The following KCNB2 variants were observed in gnomAD, a reference collection of about 807,000 sequenced individuals.
KCNB2 encodes delayed rectifier potassium channel protein.
KCNB2 carries 15 observed loss-of-function variants against 61.5 expected under a neutral mutation model. The observed-to-expected ratio is 0.24, with a 90% CI of 0.16 to 0.38. The LOEUF (loss-of-function observed/expected upper bound fraction) is 0.38, where lower values mean the gene tolerates loss of function less well. Among genes scored for constraint, KCNB2 ranks in the 10% least tolerant of loss-of-function variants. KCNB2 has a pLI of 1.00. For synonymous variants in KCNB2, 457 were observed against 446.0 expected (o/e 1.02, Z -0.31); for missense variants, 828 against 1,125.2 (o/e 0.74, Z 3.78).
chr8:72,621,476 A>G lies in KCNB2; in HGVS notation c.579+53163A>G, dbSNP rs566819517. ...AAGTTGGTTTGTTTTGTCTTTTTAT[A>G]CCATAGTAATGACATCACTTGACTT... On this transcript the variant is annotated intron_variant, in intron 2 of 2. Transcript: ENST00000523207. Among the ~76,000 whole-genome samples the G allele has an allele frequency of 8.5e-5, 13 of 152,254 alleles. No individual in the cohort carries two copies. In the South Asian group the frequency reaches 2.7e-3, roughly 32 times the overall value.
At chr8:72,727,739 A>G (rs1807676526) in intron 2 of KCNB2, among the ~76,000 whole-genome samples, 1 of 152,240 alleles carries the variant, frequency 6.6e-6, no homozygotes, top group African/African-American at 2.4e-5. Flanking sequence ...AATAAGTCAC[A>G]AGGAGGATTA....
intron 2 of KCNB2, among the ~76,000 whole-genome samples, chr8:72,914,132 C>A (rs544744321): frequency 6.6e-6 from 1 of 152,106 alleles, no homozygotes; most frequent in African/African-American, 2.4e-5. Flanking sequence ...TAGATGGTAC[C>A]TTCTCACTGT....
chr8:72,554,912 G>C (rs1345648718), intron 1 of KCNB2, among the ~76,000 whole-genome samples: 1 of 151,952 alleles, frequency 6.6e-6, no homozygotes, highest in African/African-American at 2.4e-5. Flanking sequence ...AGGCCAAGGG[G>C]TAGACAAAAT....
intron 1 of KCNB2, among the ~76,000 whole-genome samples, chr8:72,541,693 T>C (rs1006953705): frequency 6.6e-6 from 1 of 152,040 alleles, no homozygotes; most frequent in African/African-American, 2.4e-5. Context: ...AATAAGAAGG[T>C]AGTTTAGATT....
At chr8:72,896,277 T>A (rs73316906) in intron 2 of KCNB2, among the ~76,000 whole-genome samples, 6,543 of 152,218 alleles carry the variant, frequency 0.043, 460 homozygotes, top group African/African-American at 0.14. Context: ...CATCACCTGG[T>A]TTCCTTACAC....
intron 2 of KCNB2, among the ~76,000 whole-genome samples, chr8:72,852,069 T>TA (rs1355098376): frequency 2.7e-5 from 1 of 36,888 alleles, no homozygotes; most frequent in Non-Finnish European, 1.2e-4. Context: ...ACCCTGTTTC[T>TA]AAAAAAATTT....
intron 2 of KCNB2, among the ~76,000 whole-genome samples, chr8:72,773,816 G>A (rs1033361427): frequency 2.0e-5 from 3 of 152,090 alleles, no homozygotes; most frequent in Non-Finnish European, 4.4e-5. Context: ...AGAACTATGT[G>A]CTAAAATATT....
intron 2 of KCNB2, among the ~76,000 whole-genome samples, chr8:72,595,773 C>T (rs974004786): frequency 6.6e-6 from 1 of 152,180 alleles, no homozygotes; most frequent in Non-Finnish European, 1.5e-5. Context: ...ATTGCAATTG[C>T]TTATTTAATG....
chr8:72,861,031 A>G lies in KCNB2; in HGVS notation c.580-74904A>G, dbSNP rs192504572. 2.5e-4 allele frequency among the ~76,000 whole-genome samples: 38 copies of G among 152,356 alleles called. No individual in the cohort carries two copies. The East Asian group carries it at 7.1e-3, about 29-fold the overall frequency. On this transcript the variant is annotated intron_variant, in intron 2 of 2. Coordinates refer to ENST00000523207, the MANE Select transcript of KCNB2 (RefSeq NM_004770.3). ...AAATTAGTACATTACTAACTGAATT[A>G]TCTGGCTTAGAAGAATCCACACCTT...
chr8:72,918,677 A>C (rs1196685977), intron 2 of KCNB2, among the ~76,000 whole-genome samples: 2 of 152,224 alleles, frequency 1.3e-5, no homozygotes, highest in Non-Finnish European at 2.9e-5. Flanking sequence ...TCAAAAGCAT[A>C]AAATATTACT....
chr8:72,710,854 T>C (rs1171865727), intron 2 of KCNB2, among the ~76,000 whole-genome samples: 6 of 152,166 alleles, frequency 3.9e-5, no homozygotes. Context: ...TGGGAAACAA[T>C]GGATTAGAAG....
intron 2 of KCNB2, among the ~76,000 whole-genome samples, chr8:72,746,842 A>C (rs920353338): frequency 1.3e-5 from 2 of 152,176 alleles, no homozygotes; most frequent in African/African-American, 4.8e-5. Context: ...TAGACCAACC[A>C]TCCAGAAAAC....
chr8:72,847,647 C>A (rs1231635556), intron 2 of KCNB2, among the ~76,000 whole-genome samples: 1 of 152,156 alleles, frequency 6.6e-6, no homozygotes, highest in Non-Finnish European at 1.5e-5. Context: ...TCTGTTGCTA[C>A]CAACCTAGGA....
chr8:72,760,549 T>C (rs2128996421), intron 2 of KCNB2, among the ~76,000 whole-genome samples: 1 of 152,228 alleles, frequency 6.6e-6, no homozygotes, highest in Non-Finnish European at 1.5e-5. Flanking sequence ...ATCCCAGACC[T>C]ACTAAATCAG....
intron 2 of KCNB2, among the ~76,000 whole-genome samples, chr8:72,739,032 A>G (rs1199912585): frequency 6.6e-6 from 1 of 152,164 alleles, no homozygotes; most frequent in Non-Finnish European, 1.5e-5. Flanking sequence ...TTTACCTTTC[A>G]AGTAACAAGT....
chr8:72,912,293 G>A (rs538836765), intron 2 of KCNB2, among the ~76,000 whole-genome samples: 1 of 152,198 alleles, frequency 6.6e-6, no homozygotes, highest in South Asian at 2.1e-4. Context: ...GTGTTCAGAA[G>A]ATGACTGGCG....
chr8:72,781,795 G>A (rs1368917025), intron 2 of KCNB2, among the ~76,000 whole-genome samples: 1 of 152,156 alleles, frequency 6.6e-6, no homozygotes, highest in Non-Finnish European at 1.5e-5. Context: ...AAAGGAATGA[G>A]ATCATGTCCT....
intron 2 of KCNB2, among the ~76,000 whole-genome samples, chr8:72,829,983 CAAAAA>C (rs11351226): frequency 8.3e-6 from 1 of 120,290 alleles, no homozygotes; most frequent in Non-Finnish European, 1.8e-5. Flanking sequence ...GCTGCTGCTT[CAAAAA>C]AAAAAAAAAA....
At chr8:72,582,338 G>T (rs1806915244) in intron 2 of KCNB2, among the ~76,000 whole-genome samples, 1 of 152,306 alleles carries the variant, frequency 6.6e-6, no homozygotes, top group Non-Finnish European at 1.5e-5. Flanking sequence ...CATTTCTACG[G>T]GAGATTGGAA....
Sources: allele counts gnomAD v4.1 joint callset (sites outside exome capture counted in the v4.1 genomes callset), GRCh38; gene constraint gnomAD v4.1.1; transcripts MANE v1.5; gene names NCBI Gene and HGNC (gene_info 2026-07-23, HGNC 2026-07-21).